DIMT1: variants seen among roughly 807,000 people sequenced by gnomAD.
The protein encoded by DIMT1 is DIM1 rRNA methyltransferase and ribosome maturation factor.
In DIMT1, 36 loss-of-function variants were observed where a neutral mutation model predicts 43.2. The ratio of observed to expected loss-of-function variants is 0.83; its 90% CI spans 0.64 to 1.10. The LOEUF is 1.10. DIMT1 is among the 50% of genes least tolerant of loss of function. The probability of loss-of-function intolerance (pLI) is 0.00; values close to 1 mark genes in which losing one functional copy is unlikely to be tolerated. For synonymous variants in DIMT1, 126 were observed against 130.3 expected (o/e 0.97, Z 0.22); for missense variants, 341 against 385.3 (o/e 0.88, Z 0.96).
Position 62,398,495 on chromosome 5 carries a change from G to A in DIMT1, c.446+16C>T, listed in dbSNP as rs777358417. The A allele has an allele frequency of 1.1e-5, 18 of 1,610,340 alleles. No individual in the cohort carries two copies. In the African/African-American group the frequency reaches 2.4e-4, roughly 22 times the overall value. ...CTTTCAAAATTTGGCAGTAACTCTA[G>A]TCTTTTGTCACAAACCTGAAAAAAG... On this transcript the variant is annotated intron_variant, in intron 6 of 11. Coordinates refer to ENST00000199320, the MANE Select transcript of DIMT1 (RefSeq NM_014473.4).
intron 9 of DIMT1, 123 bp from the exon 10 acceptor site, chr5:62,392,357 TTAAATC>T (rs1742339809): frequency 9.3e-6 from 7 of 748,676 alleles, no homozygotes; most frequent in South Asian, 3.6e-5. Context: ...TTAGATGAAA[TTAAATC>T]TATATTCTGT....
chr5:62,399,960 T>A (rs569711333), intron 3 of DIMT1, among the ~76,000 whole-genome samples: 2 of 152,000 alleles, frequency 1.3e-5, no homozygotes, highest in Admixed American at 1.3e-4. Context: ...GACAACCAGA[T>A]TATGTGAGAG....
chr5:62,392,746 A>G (rs1742353804), intron 9 of DIMT1, 180 bp downstream of exon 9: 6 of 464,134 alleles, frequency 1.3e-5, no homozygotes, highest in Admixed American at 4.1e-5. Context: ...AACTCCAGCA[A>G]ACTTTCTTCA....
At chr5:62,394,358 C>T (rs993316811) in intron 7 of DIMT1, 126 bp downstream of exon 7, 10 of 1,031,532 alleles carry the variant, frequency 9.7e-6, no homozygotes, top group African/African-American at 6.4e-5. Flanking sequence ...GTCCCAGCTA[C>T]TCGGGACTCG....
intron 3 of DIMT1, among the ~76,000 whole-genome samples, chr5:62,401,069 G>A (rs757125474): frequency 9.2e-5 from 14 of 152,134 alleles, no homozygotes; most frequent in Non-Finnish European, 1.5e-4. Context: ...TCTATTATCC[G>A]CTTTTCTCTG....
At chr5:62,396,139 G>GTTTT (rs758847833) in intron 6 of DIMT1, among the ~76,000 whole-genome samples, 7 of 116,760 alleles carry the variant, frequency 6.0e-5, no homozygotes, top group South Asian at 5.2e-4. Flanking sequence ...GTCACTGCAG[G>GTTTT]TTTTTTTTTT....
Position 62,403,839 on chromosome 5 carries a change from G to A in DIMT1, c.-67C>T. The A allele has an allele frequency of 6.5e-7, 1 of 1,530,256 alleles. No individual in the cohort carries two copies. Among genetic ancestry groups the A allele is most frequent in the Non-Finnish European group, 8.9e-7 (1 of 1,125,600 alleles). The allele number at this position is 1,530,256 out of a possible 1,614,324, so 94.8% of individuals were successfully genotyped here. A position where few individuals can be genotyped will look rare whatever the true frequency, so the allele number is the denominator to read the frequency against. On this transcript the variant is annotated 5_prime_UTR_variant, in exon 1 of 12. Coordinates refer to ENST00000199320, the MANE Select transcript of DIMT1 (RefSeq NM_014473.4). The stretch of plus-strand genomic sequence containing the variant: ...GACCAAAGAGGGCTAGCGTGAGAAA[G>A]CCACCACGTGGGGATCGCCGCCACG...
intron 2 of DIMT1, among the ~76,000 whole-genome samples, 159 bp downstream of exon 2, chr5:62,403,114 T>C (rs1742766413): frequency 6.6e-6 from 1 of 152,212 alleles, no homozygotes; most frequent in Admixed American, 6.5e-5. Flanking sequence ...AAGCTTATCA[T>C]GCAGAAGACA....
rs1742330798 is a variant in DIMT1, at chr5:62,392,213, G to A, written c.750C>T (p.Leu250=). ...AAFKSSAVQQ[L]LEKNYRIHCS... ...AGTGAATTCTGTAGTTTTTTTCCAAGAGTTGTTGCACTGCACTTGATCTAT... is the reference window on the plus strand; with the variant it reads ...AGTGAATTCTGTAGTTTTTTTCCAAAAGTTGTTGCACTGCACTTGATCTAT... The change falls in exon 10 of 12, where the codon CTC becomes CTT. Residue 250 remains leucine, a synonymous_variant. Coordinates refer to ENST00000199320, the MANE Select transcript of DIMT1 (RefSeq NM_014473.4). 1 of 1,613,514 alleles carries A rather than the reference G, an allele frequency of 6.2e-7. No individual in the cohort carries two copies. Among genetic ancestry groups the A allele is most frequent in the African/African-American group, 1.3e-5 (1 of 74,996 alleles).
At chr5:62,395,494 T>G (rs1287059827) in intron 6 of DIMT1, among the ~76,000 whole-genome samples, 1 of 152,230 alleles carries the variant, frequency 6.6e-6, no homozygotes, top group African/African-American at 2.4e-5. Flanking sequence ...TATGTATATG[T>G]GTTTATATTG....
intron 6 of DIMT1, among the ~76,000 whole-genome samples, chr5:62,395,489 A>AT (rs1742453430): frequency 1.3e-5 from 2 of 152,296 alleles, no homozygotes; most frequent in African/African-American, 4.8e-5. Context: ...GTCTGTATGT[A>AT]TATGTGTTTA....
chr5:62,399,863 G>A (rs1276424388), intron 3 of DIMT1, among the ~76,000 whole-genome samples: 3 of 151,874 alleles, frequency 2.0e-5, no homozygotes, highest in Non-Finnish European at 4.4e-5. Flanking sequence ...CCGAGATCGC[G>A]CCACAGCACT....
chr5:62,394,426 G>A, intron 7 of DIMT1, 58 bp downstream of exon 7: 1 of 1,579,274 alleles, frequency 6.3e-7, no homozygotes. Flanking sequence ...ACTGCAGCCT[G>A]GGTGACAGAG....
At chr5:62,398,058 C>T (rs1293850627) in intron 6 of DIMT1, among the ~76,000 whole-genome samples, 1 of 152,148 alleles carries the variant, frequency 6.6e-6, no homozygotes, top group African/African-American at 2.4e-5. Flanking sequence ...GGGCTCTTTT[C>T]AAACTGATGT....
Position 62,388,946 on chromosome 5 carries a change from C to T in DIMT1, c.*64G>A, listed in dbSNP as rs1167042682. The T allele has an allele frequency of 1.3e-5, 20 of 1,492,550 alleles. No homozygotes were observed. In the Admixed American group the frequency reaches 2.6e-4, roughly 19 times the overall value. The allele number at this position is 1,492,550 out of a possible 1,614,324, so 92.5% of individuals were successfully genotyped here. A position where few individuals can be genotyped will look rare whatever the true frequency, so the allele number is the denominator to read the frequency against. ...CAGTAAAGCAAAAGCATTATCTTCTCAAATACAAAAAATACAAAATTCATT... is the reference window on the plus strand; with the variant it reads ...CAGTAAAGCAAAAGCATTATCTTCTTAAATACAAAAAATACAAAATTCATT... On this transcript the variant is annotated 3_prime_UTR_variant, in exon 12 of 12. Transcript: ENST00000199320.
Position 62,394,035 on chromosome 5 carries a change from T to G in DIMT1, c.583A>C (p.Asn195His). 2 of 1,610,698 alleles carry G rather than the reference T, an allele frequency of 1.2e-6. No individual in the cohort carries two copies. The highest frequency in any genetic ancestry group is 8.5e-7 in the Non-Finnish European group (1 of 1,179,320). Residue 195 changes from asparagine (N) to histidine (H), a missense_variant, in exon 8 of 12, where the codon AAC becomes CAC. By Grantham distance (68) the Asn-to-His change is moderately conservative. Coordinates refer to ENST00000199320, the MANE Select transcript of DIMT1 (RefSeq NM_014473.4). ...VDHLMKVGKN[N>H]FRPPPKVESS... Reference sequence around the variant, plus strand: ...TCCACCTTGGGCGGTGGTCTGAAGTTATTCTTTCCCACCTGTTAATGAAAA... The same window carrying G: ...TCCACCTTGGGCGGTGGTCTGAAGTGATTCTTTCCCACCTGTTAATGAAAA...
intron 10 of DIMT1, chr5:62,391,221 T>C: frequency 2.7e-6 from 1 of 376,612 alleles, no homozygotes. Context: ...CATTTTCTTC[T>C]TTAAAATTCT....
At position 62,393,450 on chromosome 5, in the gene DIMT1, CTAAG is replaced by C. The variant is rs1234455811; in HGVS notation, c.664-464_664-461del. Among the ~76,000 whole-genome samples, 8 of 152,092 alleles carry C rather than the reference CTAAG, an allele frequency of 5.3e-5. No individual in the cohort carries two copies. The East Asian group carries it at 1.5e-3, about 29-fold the overall frequency. On this transcript the variant is annotated intron_variant, in intron 8 of 11. Coordinates refer to ENST00000199320, the MANE Select transcript of DIMT1 (RefSeq NM_014473.4). ...CAAAGAACATGGCGTTTATTTAAAT[CTAAG>C]TATCATTTTCAAAAATAAGATTCAA...
At chr5:62,399,040 A>C (rs1364325827) in intron 3 of DIMT1, among the ~76,000 whole-genome samples, 159 bp from the exon 4 acceptor site, 1 of 152,248 alleles carries the variant, frequency 6.6e-6, no homozygotes, top group African/African-American at 2.4e-5. Context: ...TCAAACAACA[A>C]ACAAAAATGG....
Sources: allele counts gnomAD v4.1 joint callset (sites outside exome capture counted in the v4.1 genomes callset), GRCh38; gene constraint gnomAD v4.1.1; transcripts MANE v1.5; gene names NCBI Gene and HGNC (gene_info 2026-07-23, HGNC 2026-07-21).